The following P4HA3 variants were observed in gnomAD, a reference collection of about 807,000 sequenced individuals.
P4HA3 encodes prolyl 4-hydroxylase subunit alpha 3, also known as prolyl 4-hydroxylase subunit alpha-3.
Under a neutral mutation model 66.7 loss-of-function variants are expected in P4HA3, and 60 were observed. That is an observed-to-expected ratio of 0.90 (90% confidence interval 0.73 to 1.12). The LOEUF (loss-of-function observed/expected upper bound fraction) is 1.12. Among genes scored for constraint, P4HA3 ranks in the 50% most tolerant of loss-of-function variants. The pLI, the probability that P4HA3 is intolerant of heterozygous loss-of-function variation, is 0.00. For missense variants in P4HA3, 683 were observed against 685.8 expected (o/e 1.00, Z 0.05); for synonymous variants, 263 against 274.6 (o/e 0.96, Z 0.42).
At position 74,267,320 on chromosome 11, in the gene P4HA3, T is replaced by C; in HGVS notation, c.1565-2A>G. ...ACTCATGTATCCACTTGTTGGCCACTGGGAGAGAACAGGGAAGAAGGAGAC... is the reference window on the plus strand; with the variant it reads ...ACTCATGTATCCACTTGTTGGCCACCGGGAGAGAACAGGGAAGAAGGAGAC... On this transcript the variant is annotated splice_acceptor_variant, in intron 12 of 12. Transcript: ENST00000331597. LOFTEE classifies it high-confidence loss of function. 2 of 1,614,074 alleles carry C rather than the reference T, an allele frequency of 1.2e-6. No homozygotes were observed. Among genetic ancestry groups the C allele is most frequent in the Non-Finnish European group, 1.7e-6 (2 of 1,179,978 alleles).
chr11:74,280,627 C>A (rs944736487), intron 7 of P4HA3, among the ~76,000 whole-genome samples: 7 of 152,126 alleles, frequency 4.6e-5, no homozygotes, highest in Admixed American at 1.3e-4. Context: ...TCCCCAGGGT[C>A]CATTCAACAC....
At chr11:74,252,254 T>G (rs1305074723) in intron 15 of P4HA3, among the ~76,000 whole-genome samples, 3 of 150,344 alleles carry the variant, frequency 2.0e-5, no homozygotes, top group Non-Finnish European at 3.0e-5. Flanking sequence ...TTTTTTTGTT[T>G]TTTTTTTTTT....
At chr11:74,292,531 T>C (rs1424973892) in intron 4 of P4HA3, among the ~76,000 whole-genome samples, 2 of 152,226 alleles carry the variant, frequency 1.3e-5, no homozygotes, top group Non-Finnish European at 2.9e-5. Flanking sequence ...CTTTTAATTG[T>C]GATGTTAGGG....
intron 10 of P4HA3, among the ~76,000 whole-genome samples, chr11:74,270,808 C>T (rs74450643): frequency 0.013 from 2,030 of 152,246 alleles, 46 homozygotes; most frequent in African/African-American, 0.044. Context: ...AACCATCATG[C>T]TACACATTTG....
At chr11:74,276,910 A>G in intron 9 of P4HA3, 75 bp downstream of exon 9, 1 of 1,413,866 alleles carries the variant, frequency 7.1e-7, no homozygotes, top group Non-Finnish European at 9.5e-7. Context: ...AGAGCCTACA[A>G]GAGCTCTGCC....
chr11:74,275,784 A>G (rs1481374889), intron 9 of P4HA3, among the ~76,000 whole-genome samples: 1 of 152,220 alleles, frequency 6.6e-6, no homozygotes, highest in Non-Finnish European at 1.5e-5. Context: ...TTAATCCTCA[A>G]AAATCACTAC....
chr11:74,254,629 C>T (rs1859787614), intron 15 of P4HA3: 2 of 153,040 alleles, frequency 1.3e-5, no homozygotes, highest in African/African-American at 4.8e-5. Flanking sequence ...GCTGCATGGT[C>T]CGGAGTCTGG....
chr11:74,302,230 C>T, intron 3 of P4HA3, 139 bp downstream of exon 3: 3 of 853,682 alleles, frequency 3.5e-6, no homozygotes, highest in South Asian at 1.8e-5. Context: ...ATCTTGTTTT[C>T]TTTCTCTGAA....
In P4HA3 at chr11:74,287,263, C is replaced by T. The variant is rs758364349; in HGVS notation, c.770-872G>A. The stretch of plus-strand genomic sequence containing the variant: ...CCCAAAGCATCTTTCTCTGAGGAGC[C>T]CAGTGTGCTTCTAACCACAACCATC... On this transcript the variant is annotated intron_variant, in intron 5 of 12. Coordinates refer to ENST00000331597, the MANE Select transcript of P4HA3 (RefSeq NM_182904.5). The T allele has an allele frequency of 2.7e-5, 35 of 1,289,168 alleles. No individual in the cohort carries two copies. In the Admixed American group the frequency reaches 7.6e-4, roughly 28 times the overall value. The allele number at this position is 1,289,168 out of a possible 1,614,324, so 79.9% of individuals were successfully genotyped here.
intron 10 of P4HA3, among the ~76,000 whole-genome samples, chr11:74,270,109 T>C (rs1023342473): frequency 2.0e-5 from 3 of 152,046 alleles, no homozygotes; most frequent in Admixed American, 1.3e-4. Context: ...TGAAATATAA[T>C]TGTCATAAAA....
intron 5 of P4HA3, among the ~76,000 whole-genome samples, chr11:74,287,625 T>C (rs1427419852): frequency 1.3e-5 from 2 of 152,248 alleles, no homozygotes; most frequent in African/African-American, 4.8e-5. Context: ...GGGAATAATG[T>C]TACTAAATGG....
Position 74,311,499 on chromosome 11 carries a change from GC to G in P4HA3, c.112del (p.Ala38ArgfsTer14). The G allele has an allele frequency of 1.3e-6, 2 of 1,535,468 alleles. No homozygotes were observed. Among genetic ancestry groups the G allele is most frequent in the South Asian group, 2.4e-5 (2 of 83,656 alleles). On this transcript the variant is annotated frameshift_variant, in exon 1 of 13. Transcript: ENST00000331597. LOFTEE classifies it high-confidence loss of function. ...GDTFSALTSV[A>X]RALAPERRLL... Reference sequence around the variant, plus strand: ...CCGGCGCTCGGGCGCCAGGGCGCGCGCCACGCTGGTCAGCGCCGAGAACGTG... The same window carrying G: ...CCGGCGCTCGGGCGCCAGGGCGCGCGCACGCTGGTCAGCGCCGAGAACGTG...
chr11:74,293,880 T>G (rs902954058), intron 4 of P4HA3, among the ~76,000 whole-genome samples: 1 of 152,216 alleles, frequency 6.6e-6, no homozygotes, highest in African/African-American at 2.4e-5. Flanking sequence ...GCCCTTAACA[T>G]TTTTTCCTTC....
intron 1 of P4HA3, among the ~76,000 whole-genome samples, chr11:74,309,946 A>G (rs1438391340): frequency 6.6e-6 from 1 of 152,194 alleles, no homozygotes; most frequent in Admixed American, 6.5e-5. Context: ...GCACAGGGTG[A>G]CAATGGGTTT....
chr11:74,295,908 G>T (rs1351025513), intron 4 of P4HA3, among the ~76,000 whole-genome samples: 1 of 152,094 alleles, frequency 6.6e-6, no homozygotes, highest in Non-Finnish European at 1.5e-5. Context: ...CAAACTCTTC[G>T]TGAGATGAAA....
chr11:74,260,869 C>T (rs539851631), intron 14 of P4HA3, among the ~76,000 whole-genome samples: 11 of 152,262 alleles, frequency 7.2e-5, no homozygotes, highest in Middle Eastern at 3.4e-3. Context: ...CAAACCAAAA[C>T]TCACATGACC....
intron 15 of P4HA3, chr11:74,253,576 G>A: frequency 6.6e-7 from 1 of 1,507,686 alleles, no homozygotes; most frequent in South Asian, 1.1e-5. Context: ...AGAGGCCACT[G>A]TGATGCCACT....
chr11:74,286,519 T>TCCTGTGTGTTGA, intron 5 of P4HA3, 128 bp from the exon 6 acceptor site: 3 of 800,640 alleles, frequency 3.7e-6, no homozygotes, highest in Non-Finnish European at 5.5e-6. Context: ...GAATAACTCC[T>TCCTGTGTGTTGA]CATGTCAACA....
chr11:74,308,154 C>T (rs957578928), intron 1 of P4HA3, among the ~76,000 whole-genome samples: 1 of 152,104 alleles, frequency 6.6e-6, no homozygotes, highest in African/African-American at 2.4e-5. Context: ...TCTCAAGTTA[C>T]ATAAAATCAC....
Sources: gnomAD v4.1 joint callset for allele counts (sites outside exome capture counted in the v4.1 genomes callset) on GRCh38, gnomAD v4.1.1 for gene constraint, MANE v1.5 for transcripts, NCBI Gene and HGNC (gene_info 2026-07-23, HGNC 2026-07-21) for gene names.